The following XAF1 variants were observed in gnomAD, a reference collection of about 807,000 sequenced individuals.
The protein encoded by XAF1 is XIAP associated factor 1, also known as XIAP-associated factor 1.
In XAF1, 32 loss-of-function variants were observed where a neutral mutation model predicts 32.3. The ratio of observed to expected loss-of-function variants is 0.99; its 90% CI spans 0.75 to 1.33. XAF1 has a LOEUF of 1.33. Among genes scored for constraint, XAF1 ranks in the 40% most tolerant of loss-of-function variants. The pLI, the probability that XAF1 is intolerant of heterozygous loss-of-function variation, is 0.00. For synonymous variants in XAF1, 120 were observed against 125.9 expected (o/e 0.95, Z 0.31); for missense variants, 379 against 366.0 (o/e 1.04, Z -0.29).
At chr17:6,765,150 A>T (rs1433035888) in intron 5 of XAF1, among the ~76,000 whole-genome samples, 1 of 152,198 alleles carries the variant, frequency 6.6e-6, no homozygotes, top group Non-Finnish European at 1.5e-5. Context: ...ATGGTGGCTC[A>T]TGCCTGTAAT....
At chr17:6,762,758 T>G (rs1597729790) in intron 5 of XAF1, among the ~76,000 whole-genome samples, 1 of 152,182 alleles carries the variant, frequency 6.6e-6, no homozygotes, top group African/African-American at 2.4e-5. Flanking sequence ...CTAAGCGCCG[T>G]TTAGTGCATT....
intron 2 of XAF1, chr17:6,759,242 T>A: frequency 6.4e-6 from 7 of 1,090,078 alleles, no homozygotes; most frequent in Non-Finnish European, 7.8e-6. Flanking sequence ...CTATTTCCAA[T>A]CCTTTCCCTA....
chr17:6,756,261 G>C, intron 1 of XAF1, 151 bp downstream of exon 1: 1 of 1,422,938 alleles, frequency 7.0e-7, no homozygotes, highest in Non-Finnish European at 9.3e-7. Flanking sequence ...CCAAGGGTAG[G>C]AGGGTTTAAA....
intron 6 of XAF1, among the ~76,000 whole-genome samples, chr17:6,772,465 C>CTTTTTTTTT (rs71383425): frequency 8.5e-5 from 8 of 94,182 alleles, no homozygotes; most frequent in African/African-American, 1.3e-4. Context: ...AAGCTGCCAT[C>CTTTTTTTTT]TTTTTTTTTT....
At chr17:6,757,281 G>C (rs1304623910) in intron 1 of XAF1, 2 of 152,422 alleles carry the variant, frequency 1.3e-5, no homozygotes, top group African/African-American at 4.8e-5. Context: ...GGGATTACAG[G>C]CATGAGCCAC....
intron 6 of XAF1, 90 bp from the exon 7 acceptor site, chr17:6,773,023 G>GTAACAAGGGACAGCAATA: frequency 8.4e-7 from 1 of 1,193,726 alleles, no homozygotes; most frequent in Non-Finnish European, 1.2e-6. Flanking sequence ...CTCATGCTCT[G>GTAACAAGGGACAGCAATA]TAACAAGGGA....
At chr17:6,764,241 T>G (rs60242535) in intron 5 of XAF1, among the ~76,000 whole-genome samples, 17,461 of 152,182 alleles carry the variant, frequency 0.11, 1,423 homozygotes, top group African/African-American at 0.23. Context: ...ACCAGATCTA[T>G]CTCCTTGGCA....
At chr17:6,758,837 G>A (rs374593991) in intron 2 of XAF1, 3 of 220,854 alleles carry the variant, frequency 1.4e-5, no homozygotes, top group Non-Finnish European at 1.9e-5. Flanking sequence ...GTCTGGGAGG[G>A]GCAAGTGTTC....
At chr17:6,759,485 T>G (rs1597719143) in intron 2 of XAF1, 177 bp from the exon 3 acceptor site, 1 of 1,445,906 alleles carries the variant, frequency 6.9e-7, no homozygotes, top group Non-Finnish European at 9.1e-7. Flanking sequence ...CAAACACTTC[T>G]TGAACACTGG....
intron 1 of XAF1, among the ~76,000 whole-genome samples, chr17:6,756,730 G>A (rs1030104982): frequency 6.6e-6 from 1 of 152,180 alleles, no homozygotes; most frequent in Non-Finnish European, 1.5e-5. Context: ...GGAAGAGCAG[G>A]GGGAGAAGGG....
intron 5 of XAF1, among the ~76,000 whole-genome samples, chr17:6,763,905 T>C (rs963598367): frequency 2.0e-5 from 3 of 152,202 alleles, no homozygotes; most frequent in African/African-American, 7.2e-5. Flanking sequence ...AGTACTGATG[T>C]TTATTCGATC....
chr17:6,756,290 G>A, intron 1 of XAF1, 180 bp downstream of exon 1: 1 of 1,363,800 alleles, frequency 7.3e-7, no homozygotes, highest in Non-Finnish European at 9.6e-7. Flanking sequence ...TCTCTGGGTG[G>A]GGGTGGGCAG....
Position 6,765,305 on chromosome 17 carries a change from C to A in XAF1, c.507+3065C>A, listed in dbSNP as rs541557881. On this transcript the variant is annotated intron_variant, in intron 5 of 6. Transcript: ENST00000361842. ...GTGGGTGACTATAGTCCCAGCTACTCGGGAGGCTGAGGCAGGAGAATGGCG... is the reference window on the plus strand; with the variant it reads ...GTGGGTGACTATAGTCCCAGCTACTAGGGAGGCTGAGGCAGGAGAATGGCG... 4.4e-4 allele frequency among the ~76,000 whole-genome samples: 67 copies of A among 152,032 alleles called. No individual in the cohort carries two copies. The East Asian group carries it at 5.2e-3, about 12-fold the overall frequency.
At position 6,759,675 on chromosome 17, in the gene XAF1, T is replaced by A. The variant is rs1301245224; in HGVS notation, c.182T>A (p.Met61Lys). ...GTGTGTGTTTAGGTTGGGTGTACGA[T>A]GTGTCAGCAGAGCATGCAGAAGTCC... ...KLEHQQVGCT[M>K]CQQSMQKSSL... Residue 61 changes from methionine (M) to lysine (K), a missense_variant, in exon 3 of 7, where the codon ATG (methionine) becomes AAG (lysine). Physicochemically the swap from Met to Lys is moderately conservative, Grantham distance 95. Transcript: ENST00000361842. 2.5e-6 allele frequency: 4 copies of A among 1,613,548 alleles called. No individual in the cohort carries two copies. In the Admixed American group the frequency reaches 6.7e-5, roughly 27 times the overall value.
chr17:6,775,168 C>G lies in XAF1; in HGVS notation c.*1999C>G, dbSNP rs1976340757. 6.6e-6 allele frequency: 1 copy of G among 152,150 alleles called. No individual in the cohort carries two copies. Among genetic ancestry groups the G allele is most frequent in the Non-Finnish European group, 1.5e-5 (1 of 68,040 alleles). 9.4% of individuals were successfully genotyped at this position (152,150 alleles called of 1,614,324 possible). A position where few individuals can be genotyped will look rare whatever the true frequency, so the allele number is the denominator to read the frequency against. Reference sequence around the variant, plus strand: ...GAAGCCATTATCCTAAATGAACTCACTCAGAAACAGAAAACCAAATACCAC... The same window carrying G: ...GAAGCCATTATCCTAAATGAACTCAGTCAGAAACAGAAAACCAAATACCAC... On this transcript the variant is annotated 3_prime_UTR_variant, in exon 7 of 7. Transcript: ENST00000361842.
intron 4 of XAF1, among the ~76,000 whole-genome samples, chr17:6,761,400 G>A (rs1021967405): frequency 6.6e-6 from 1 of 152,204 alleles, no homozygotes; most frequent in Non-Finnish European, 1.5e-5. Flanking sequence ...ATGGCTCCTG[G>A]CCTGGGGGCC....
intron 6 of XAF1, chr17:6,771,746 T>G (rs1299439334): frequency 6.6e-6 from 1 of 152,206 alleles, no homozygotes; most frequent in Non-Finnish European, 1.5e-5. Context: ...AAAAATTTAT[T>G]TTTTTTCAAA....
At chr17:6,764,457 C>T (rs971607142) in intron 5 of XAF1, among the ~76,000 whole-genome samples, 3 of 152,210 alleles carry the variant, frequency 2.0e-5, no homozygotes, top group Non-Finnish European at 4.4e-5. Context: ...GCTGTACACG[C>T]AGGTAACAAC....
At chr17:6,759,765 T>A in intron 3 of XAF1, 47 bp downstream of exon 3, 1 of 1,613,550 alleles carries the variant, frequency 6.2e-7, no homozygotes, top group Non-Finnish European at 8.5e-7. Flanking sequence ...TAGACCAACC[T>A]GAGAAAAGGA....
Sources: gnomAD v4.1 joint callset for allele counts (sites outside exome capture counted in the v4.1 genomes callset) on GRCh38, gnomAD v4.1.1 for gene constraint, MANE v1.5 for transcripts, NCBI Gene and HGNC (gene_info 2026-07-23, HGNC 2026-07-21) for gene names.